The following METTL15 variants were observed in gnomAD, a reference collection of about 807,000 sequenced individuals.
METTL15 encodes methyltransferase 15, mitochondrial 12S rRNA N4-cytidine.
METTL15 carries 34 observed loss-of-function variants against 38.3 expected under a neutral mutation model. The ratio of observed to expected loss-of-function variants is 0.89; its 90% CI spans 0.68 to 1.18. The LOEUF (loss-of-function observed/expected upper bound fraction) is 1.18. METTL15 is among the 50% of genes most tolerant of loss of function. The pLI is 0.00. For synonymous variants in METTL15, 162 were observed against 170.9 expected (o/e 0.95, Z 0.41); for missense variants, 438 against 498.4 (o/e 0.88, Z 1.15).
At chr11:28,233,459 G>T (rs1444387642) in intron 4 of METTL15, among the ~76,000 whole-genome samples, 1 of 151,752 alleles carries the variant, frequency 6.6e-6, no homozygotes, top group Non-Finnish European at 1.5e-5. Flanking sequence ...ATAGACTGTG[G>T]CTAATTTTTT....
At chr11:28,307,529 C>G (rs543809463) in intron 6 of METTL15, among the ~76,000 whole-genome samples, 1 of 152,006 alleles carries the variant, frequency 6.6e-6, no homozygotes, top group African/African-American at 2.4e-5. Flanking sequence ...TAGACTCAGA[C>G]CTACAAAAAT....
intron 4 of METTL15, chr11:28,261,252 A>G (rs1198151072): frequency 2.0e-5 from 3 of 152,220 alleles, no homozygotes; most frequent in Admixed American, 6.5e-5. Flanking sequence ...AACCAAAACA[A>G]AACACAATTA....
intron 3 of METTL15, among the ~76,000 whole-genome samples, chr11:28,196,067 C>T (rs1262291974): frequency 6.6e-6 from 1 of 151,904 alleles, no homozygotes; most frequent in Non-Finnish European, 1.5e-5. Context: ...TGTGTTTCTA[C>T]TTTTACACCA....
intron 4 of METTL15, among the ~76,000 whole-genome samples, chr11:28,236,354 A>G (rs1171962232): frequency 5.9e-5 from 9 of 151,912 alleles, no homozygotes; most frequent in South Asian, 2.1e-4. Context: ...CTCTTTTTCT[A>G]TTGATTGGAA....
At chr11:28,445,747 G>T (rs961674795) in intron 6 of METTL15, among the ~76,000 whole-genome samples, 3 of 152,082 alleles carry the variant, frequency 2.0e-5, no homozygotes, top group African/African-American at 7.3e-5. Flanking sequence ...AACCTCCTGG[G>T]CTCAAGCAGT....
At chr11:28,368,018 C>T (rs1850203546) in intron 5 of METTL15, among the ~76,000 whole-genome samples, 1 of 150,982 alleles carries the variant, frequency 6.6e-6, no homozygotes. Context: ...CAATACCATT[C>T]AGGACATAGG....
chr11:28,412,010 AC>A (rs1357407509), intron 5 of METTL15, among the ~76,000 whole-genome samples: 2 of 152,118 alleles, frequency 1.3e-5, no homozygotes, highest in African/African-American at 4.8e-5. Context: ...AGCACTAATC[AC>A]AAGGGAAATG....
At chr11:28,210,364 C>T (rs1206632549) in intron 3 of METTL15, among the ~76,000 whole-genome samples, 1 of 151,600 alleles carries the variant, frequency 6.6e-6, no homozygotes, top group African/African-American at 2.4e-5. Context: ...TTCTTTTCTT[C>T]TTCATTTTTT....
At chr11:28,252,799 T>C (rs1267418951) in intron 4 of METTL15, among the ~76,000 whole-genome samples, 1 of 152,146 alleles carries the variant, frequency 6.6e-6, no homozygotes, top group Admixed American at 6.6e-5. Context: ...AAAAACTCCT[T>C]AATAAAGTTG....
At chr11:28,194,422 A>G (rs1197631881) in intron 3 of METTL15, among the ~76,000 whole-genome samples, 1 of 151,146 alleles carries the variant, frequency 6.6e-6, no homozygotes, top group African/African-American at 2.4e-5. Flanking sequence ...CTGGTCTCGA[A>G]CTCCTGACCT....
chr11:28,459,881 T>A (rs982014190), intron 6 of METTL15, among the ~76,000 whole-genome samples: 3 of 152,110 alleles, frequency 2.0e-5, no homozygotes, highest in Non-Finnish European at 2.9e-5. Flanking sequence ...TATGTGTATG[T>A]AGAGAAATTT....
chr11:28,514,068 T>C (rs1851699419), intron 6 of METTL15, among the ~76,000 whole-genome samples: 1 of 152,208 alleles, frequency 6.6e-6, no homozygotes, highest in African/African-American at 2.4e-5. Context: ...CTTAATGTGG[T>C]AGACATTGTA....
At chr11:28,312,852 G>C (rs1394605199) in intron 6 of METTL15, among the ~76,000 whole-genome samples, 1 of 152,080 alleles carries the variant, frequency 6.6e-6, no homozygotes, top group Non-Finnish European at 1.5e-5. Context: ...TAGCATTCAT[G>C]AGGACAGTCT....
intron 6 of METTL15, among the ~76,000 whole-genome samples, chr11:28,325,500 T>C (rs1468188065): frequency 6.6e-6 from 1 of 152,238 alleles, no homozygotes; most frequent in Non-Finnish European, 1.5e-5. Context: ...CCCGATGATG[T>C]GAATGAAACT....
At chr11:28,147,583 T>C (rs1849931025) in intron 3 of METTL15, among the ~76,000 whole-genome samples, 1 of 151,892 alleles carries the variant, frequency 6.6e-6, no homozygotes, top group African/African-American at 2.4e-5. Context: ...TTTGATGGGA[T>C]ACAGTATATG....
intron 3 of METTL15, among the ~76,000 whole-genome samples, chr11:28,149,369 AG>A (rs1849999374): frequency 6.6e-6 from 1 of 151,690 alleles, no homozygotes; most frequent in South Asian, 2.1e-4. Flanking sequence ...TTTGTGTGGC[AG>A]GGGTGAGTGG....
intron 4 of METTL15, among the ~76,000 whole-genome samples, chr11:28,222,367 A>G (rs990421055): frequency 1.3e-5 from 2 of 152,168 alleles, no homozygotes; most frequent in African/African-American, 2.4e-5. Context: ...CCAGGATATA[A>G]TCTCCTGGTG....
chr11:28,263,485 A>G (rs890016019), intron 4 of METTL15, among the ~76,000 whole-genome samples: 1 of 152,082 alleles, frequency 6.6e-6, no homozygotes, highest in Admixed American at 6.5e-5. Context: ...ACCTGAATAT[A>G]TGATTTATTT....
intron 5 of METTL15, among the ~76,000 whole-genome samples, chr11:28,378,550 C>T (rs908821213): frequency 6.6e-6 from 1 of 152,184 alleles, no homozygotes; most frequent in African/African-American, 2.4e-5. Context: ...CCTGCACCCA[C>T]TGTCTGGCAC....
Sources: allele counts gnomAD v4.1 joint callset (sites outside exome capture counted in the v4.1 genomes callset), GRCh38; gene constraint gnomAD v4.1.1; transcripts MANE v1.5; gene names NCBI Gene and HGNC (gene_info 2026-07-23, HGNC 2026-07-21).